Variants in TBXAS1 observed in about 807,000 individuals in gnomAD.
The protein encoded by TBXAS1 is thromboxane A synthase 1.
Under a neutral mutation model 60.7 loss-of-function variants are expected in TBXAS1, and 48 were observed. The observed-to-expected ratio is 0.79, with a 90% CI of 0.63 to 1.01. The LOEUF is 1.01. Ranked by LOEUF, TBXAS1 falls within the 50% of genes least tolerant of loss-of-function variation. The pLI is 0.00. For synonymous variants in TBXAS1, 287 were observed against 269.7 expected (o/e 1.06, Z -0.63); for missense variants, 685 against 686.3 (o/e 1.00, Z 0.02).
chr7:139,979,758 AATAAT>A (rs750904685), intron 9 of TBXAS1, among the ~76,000 whole-genome samples: 61 of 144,852 alleles, frequency 4.2e-4, no homozygotes, highest in Non-Finnish European at 4.8e-4. Flanking sequence ...TAATAATAAT[AATAAT>A]AATAAATAAA....
In TBXAS1 at chr7:139,874,286, C is replaced by T. The variant is rs563682559; in HGVS notation, c.184-1299C>T. Reference sequence around the variant, plus strand: ...GGAAAGCTAAAGAAAATGCATTTCACACATTTCTGGGGGGAAATGATCAGT... The same window carrying T: ...GGAAAGCTAAAGAAAATGCATTTCATACATTTCTGGGGGGAAATGATCAGT... On this transcript the variant is annotated intron_variant, in intron 2 of 12. Transcript: ENST00000448866. Among the ~76,000 whole-genome samples the T allele has an allele frequency of 5.3e-5, 8 of 152,266 alleles. No homozygotes were observed. The South Asian group carries it at 6.2e-4, about 12-fold the overall frequency.
rs915447084 is a variant in TBXAS1 at position 140,013,745 on chromosome 7, G to A, written c.1227-1978G>A. Among the ~76,000 whole-genome samples the A allele has an allele frequency of 6.6e-6, 1 of 152,234 alleles. No homozygotes were observed. Among genetic ancestry groups the A allele is most frequent in the Non-Finnish European group, 1.5e-5 (1 of 68,048 alleles). Reference sequence around the variant, plus strand: ...GCCCTGAACACCAGCCTGAGGCTCAGCCCTGAAGGCAGCTTGACCAGGCAA... The same window carrying A: ...GCCCTGAACACCAGCCTGAGGCTCAACCCTGAAGGCAGCTTGACCAGGCAA... On this transcript the variant is annotated intron_variant, in intron 10 of 12. Coordinates refer to ENST00000448866, the MANE Select transcript of TBXAS1 (RefSeq NM_001061.7). This position sits in a 1 kb window ranked among gnomAD's most constrained non-coding sequence, Gnocchi z 4.2.
chr7:139,989,515 C>CT (rs1301757159), intron 9 of TBXAS1, among the ~76,000 whole-genome samples: 1 of 152,246 alleles, frequency 6.6e-6, no homozygotes, highest in Non-Finnish European at 1.5e-5. Context: ...TGCCCCACCG[C>CT]TTTGCCCTCA....
intron 8 of TBXAS1, among the ~76,000 whole-genome samples, chr7:139,960,188 G>A (rs1328842741): frequency 6.6e-6 from 1 of 152,162 alleles, no homozygotes; most frequent in Non-Finnish European, 1.5e-5. Flanking sequence ...AGCACTGCTA[G>A]GATCCCAGTA....
rs906783429 is a variant in TBXAS1, at chr7:139,858,133, C to T, written c.90-14102C>T. ...AGGCAGTTTCTTTGCAGTGCTTCTTCGTACACATCAACCCCATGCTCACTC... is the reference window on the plus strand; with the variant it reads ...AGGCAGTTTCTTTGCAGTGCTTCTTTGTACACATCAACCCCATGCTCACTC... On this transcript the variant is annotated intron_variant, in intron 1 of 12. Transcript: ENST00000448866. Among the ~76,000 whole-genome samples, 10 of 152,268 alleles carry T rather than the reference C, an allele frequency of 6.6e-5. No homozygotes were observed. In the East Asian group the frequency reaches 1.7e-3, roughly 26 times the overall value.
chr7:139,932,059 T>C (rs985906468), intron 4 of TBXAS1, among the ~76,000 whole-genome samples: 4 of 150,118 alleles, frequency 2.7e-5, no homozygotes, highest in African/African-American at 9.8e-5. Context: ...CCCAGCTACT[T>C]GGGAGGCTGA....
chr7:139,826,199 C>T (rs1050084136), upstream of TBXAS1, among the ~76,000 whole-genome samples: 1 of 151,986 alleles, frequency 6.6e-6, no homozygotes, highest in African/African-American at 2.4e-5. Context: ...TCAGGTGACC[C>T]CTGGAAAAAA....
At chr7:139,918,633 G>A (rs571524997) in intron 4 of TBXAS1, among the ~76,000 whole-genome samples, 7 of 152,266 alleles carry the variant, frequency 4.6e-5, no homozygotes, top group East Asian at 1.9e-4. Flanking sequence ...AGTTCCAAGC[G>A]CCTGGCTTCC....
chr7:139,828,442 C>G (rs944333524), upstream of TBXAS1, among the ~76,000 whole-genome samples: 16 of 152,146 alleles, frequency 1.1e-4, no homozygotes, highest in African/African-American at 3.9e-4. Flanking sequence ...ATGGGGCACT[C>G]ACAGTATTTG....
intron 9 of TBXAS1, among the ~76,000 whole-genome samples, chr7:139,991,792 A>C (rs1183090650): frequency 6.6e-6 from 1 of 152,184 alleles, no homozygotes; most frequent in Non-Finnish European, 1.5e-5. Context: ...AAAACCAAAA[A>C]AGGGTAACAA....
At position 139,879,211 on chromosome 7, in the gene TBXAS1, C is replaced by T. The variant is rs533629143; in HGVS notation, c.236+3574C>T. Among the ~76,000 whole-genome samples the T allele has an allele frequency of 3.3e-5, 5 of 152,352 alleles. No individual in the cohort carries two copies. In the East Asian group the frequency reaches 9.6e-4, roughly 29 times the overall value. ...CTGCCACCACCACCACCATCACCAC[C>T]ACCATCATCGAGAACAAAATATCTT... is the stretch of plus-strand genomic sequence containing the variant. On this transcript the variant is annotated intron_variant, in intron 3 of 12. Transcript: ENST00000448866.
rs57198926 is a variant in TBXAS1 at position 140,019,984 on chromosome 7, T to C, written c.1528-41T>C. The C allele has an allele frequency of 1.7e-3, 2,716 of 1,584,238 alleles. 41 individuals are homozygous for C. The African/African-American group carries it at 0.032, about 19-fold the overall frequency. On this transcript the variant is annotated intron_variant, in intron 12 of 12. Coordinates refer to ENST00000448866, the MANE Select transcript of TBXAS1 (RefSeq NM_001061.7). ...AGTCTTCATTTGTACAGTGAGATGCTACTATCTCTTTGACAAATATTTTAA... is the reference window on the plus strand; with the variant it reads ...AGTCTTCATTTGTACAGTGAGATGCCACTATCTCTTTGACAAATATTTTAA...
chr7:139,980,290 T>C (rs1193616393), intron 9 of TBXAS1, among the ~76,000 whole-genome samples: 1 of 149,252 alleles, frequency 6.7e-6, no homozygotes, highest in Non-Finnish European at 1.5e-5. Flanking sequence ...TACCTCCACA[T>C]CTTATTTCCT....
At chr7:139,983,560 G>A (rs545152088) in intron 9 of TBXAS1, among the ~76,000 whole-genome samples, 1 of 152,246 alleles carries the variant, frequency 6.6e-6, no homozygotes, top group African/African-American at 2.4e-5. Context: ...GCCTGCAGAT[G>A]AGTAAACTGG....
At chr7:139,932,595 T>A (rs1807423588) in intron 4 of TBXAS1, among the ~76,000 whole-genome samples, 1 of 152,122 alleles carries the variant, frequency 6.6e-6, no homozygotes, top group African/African-American at 2.4e-5. Context: ...TCAATAAATA[T>A]TTATTAGGCA....
chr7:139,985,473 C>T (rs1812381937), intron 9 of TBXAS1, among the ~76,000 whole-genome samples: 1 of 152,206 alleles, frequency 6.6e-6, no homozygotes, highest in Non-Finnish European at 1.5e-5. Context: ...ATTAATAACC[C>T]ATTATCGGGT....
intron 10 of TBXAS1, among the ~76,000 whole-genome samples, chr7:140,011,041 G>T (rs1215249824): frequency 6.6e-6 from 1 of 151,702 alleles, no homozygotes; most frequent in Non-Finnish European, 1.5e-5. Flanking sequence ...ACTTTGGGAG[G>T]CAAGGAGGGA....
In TBXAS1 at chr7:139,916,839, C is replaced by T. The variant is rs943216948; in HGVS notation, c.333+5518C>T. Among the ~76,000 whole-genome samples the T allele has an allele frequency of 2.0e-5, 3 of 152,218 alleles. No individual in the cohort carries two copies. Among genetic ancestry groups the T allele is most frequent in the East Asian group, 1.9e-4 (1 of 5,194 alleles). On this transcript the variant is annotated intron_variant, in intron 4 of 12. Coordinates refer to ENST00000448866, the MANE Select transcript of TBXAS1 (RefSeq NM_001061.7). This position sits in a 1 kb window ranked among gnomAD's most constrained non-coding sequence, Gnocchi z 4.2. ...CCCTTGTGCGGGGGCCACAGGGACC[C>T]GCCTGCTGGCATCCATTGAGGAGAG...
chr7:139,812,966 A>G (rs555140230), intron 4 of TBXAS1, among the ~76,000 whole-genome samples: 1 of 152,034 alleles, frequency 6.6e-6, no homozygotes, highest in Non-Finnish European at 1.5e-5. Flanking sequence ...CTGAGGCAGG[A>G]GAATCGCTTG....
Sources: allele counts gnomAD v4.1 joint callset (sites outside exome capture counted in the v4.1 genomes callset), GRCh38; gene constraint gnomAD v4.1.1; non-coding constraint Gnocchi (gnomAD v3.1); transcripts MANE v1.5; gene names NCBI Gene and HGNC (gene_info 2026-07-23, HGNC 2026-07-21).